Variants in FYCO1 observed in about 807,000 individuals in gnomAD.
FYCO1 encodes FYVE and coiled-coil domain autophagy adaptor 1.
Under a neutral mutation model 165.1 loss-of-function variants are expected in FYCO1, and 122 were observed. The observed-to-expected ratio is 0.74, with a 90% CI of 0.64 to 0.86. The LOEUF (loss-of-function observed/expected upper bound fraction) is 0.86, where lower values mean the gene tolerates loss of function less well. Ranked by LOEUF, FYCO1 falls within the 40% of genes least tolerant of loss-of-function variation. The probability of loss-of-function intolerance (pLI) is 0.00; values close to 1 mark genes in which losing one functional copy is unlikely to be tolerated. For synonymous variants in FYCO1, 648 were observed against 742.5 expected (o/e 0.87, Z 2.07); for missense variants, 1,702 against 1,810.3 (o/e 0.94, Z 1.09).
Position 45,967,513 on chromosome 3 carries a change from C to T in FYCO1, c.1821G>A (p.Glu607=), listed in dbSNP as rs776580761. 1.9e-6 allele frequency: 3 copies of T among 1,613,818 alleles called. No homozygotes were observed. The South Asian group carries it at 3.3e-5, about 18-fold the overall frequency. The change falls in exon 8 of 18, where the codon GAG becomes GAA. Residue 607 remains glutamate (E), a synonymous_variant. Transcript: ENST00000296137. ...GCCGGAGCTCTTCCTCCTGGCTGCC[C>T]TCTTGCACCTTGGTATCGTCTAACT... ...EAQLDDTKVQ[E]GSQEEELRQA...
rs778808505 is a variant in FYCO1 at position 45,966,302 on chromosome 3, A to C, written c.3032T>G (p.Ile1011Ser). The C allele has an allele frequency of 1.2e-6, 2 of 1,614,120 alleles. No homozygotes were observed. The highest frequency in any genetic ancestry group is 2.2e-5 in the South Asian group (2 of 91,086). The change falls in exon 8 of 18, where the codon ATC (isoleucine) becomes AGC (serine). Residue 1011 changes from isoleucine (I) to serine (S), a missense_variant. Physicochemically the swap from Ile to Ser is moderately radical, Grantham distance 142. Coordinates refer to ENST00000296137, the MANE Select transcript of FYCO1 (RefSeq NM_024513.4). ...NTLKFQLSAE[I>S]MDYQSRLKNA... is the part of the protein sequence containing the mutation. Reference sequence around the variant, plus strand: ...CTTAAGTCTGCTCTGGTAGTCCATGATTTCAGCACTCAGCTGGAACTTGAG... The same window carrying C: ...CTTAAGTCTGCTCTGGTAGTCCATGCTTTCAGCACTCAGCTGGAACTTGAG...
intron 1 of FYCO1, among the ~76,000 whole-genome samples, chr3:45,986,408 C>CA (rs1400681718): frequency 6.6e-6 from 1 of 152,182 alleles, no homozygotes; most frequent in Non-Finnish European, 1.5e-5. Flanking sequence ...CAGATCCTGG[C>CA]ATGGAAACCA....
rs35365813 is a variant in FYCO1, at chr3:45,978,858, GT to G, written c.288+846del. Among the ~76,000 whole-genome samples, 355 of 139,672 alleles carry G rather than the reference GT, an allele frequency of 2.5e-3. 2 individuals carry two copies. The highest frequency in any genetic ancestry group is 7.5e-3 in the African/African-American group (286 of 38,204). 91.6% of individuals were successfully genotyped at this position (139,672 alleles called of 152,430 possible). A position where few individuals can be genotyped will look rare whatever the true frequency, so the allele number is the denominator to read the frequency against. On this transcript the variant is annotated intron_variant, in intron 4 of 17. Transcript: ENST00000296137. ...ATGTGTGTGTGTTTGTTGTTCTGGA[GT>G]TTTTTTTTTTTTTTTGAGACGGAGT...
chr3:45,936,382 C>T, intron 15 of FYCO1, 66 bp downstream of exon 15: 2 of 1,089,658 alleles, frequency 1.8e-6, no homozygotes, highest in Non-Finnish European at 2.8e-6. Flanking sequence ...AGCGCCGGCA[C>T]TGGAGAGGCC....
At chr3:45,951,824 C>CCTGGCAGG (rs763905548) in intron 14 of FYCO1, among the ~76,000 whole-genome samples, 7 of 152,308 alleles carry the variant, frequency 4.6e-5, no homozygotes, top group Non-Finnish European at 8.8e-5. Flanking sequence ...GCCACATCTC[C>CCTGGCAGG]CTGGCAGGCT....
In FYCO1 at chr3:45,955,329, C is replaced by A; in HGVS notation, c.3864G>T (p.Leu1288Phe). The change falls in exon 14 of 18, where the codon TTG becomes TTT. Residue 1288 changes from leucine (L) to phenylalanine (F), a missense_variant. Transcript: ENST00000296137. The part of the protein sequence containing the change: ...AVFDIITDEE[L>F]CQIQESGSSL... ...AGGAGCCGGACTCCTGTATCTGGCA[C>A]AATTCCTCATCTGTGATGATATCAA... 4 of 1,614,182 alleles carry A rather than the reference C, an allele frequency of 2.5e-6. No homozygotes were observed. Among genetic ancestry groups the A allele is most frequent in the Non-Finnish European group, 3.4e-6 (4 of 1,180,026 alleles).
intron 5 of FYCO1, among the ~76,000 whole-genome samples, chr3:45,973,773 T>G (rs1706576579): frequency 6.6e-6 from 1 of 152,180 alleles, no homozygotes; most frequent in African/African-American, 2.4e-5. Context: ...TTTAAAAAGA[T>G]GCATCAGAAC....
chr3:45,926,982 C>T (rs533966238), intron 16 of FYCO1, among the ~76,000 whole-genome samples: 106 of 148,864 alleles, frequency 7.1e-4, no homozygotes, highest in Middle Eastern at 6.9e-3. Context: ...AAAAAAAGAA[C>T]GCTCCACCCA....
intron 15 of FYCO1, among the ~76,000 whole-genome samples, chr3:45,932,004 G>A (rs931066349): frequency 6.6e-6 from 1 of 152,220 alleles, no homozygotes; most frequent in Non-Finnish European, 1.5e-5. Context: ...GACCCAGAGT[G>A]TGACGTGAAG....
chr3:45,929,619 G>C (rs141119584), intron 16 of FYCO1, among the ~76,000 whole-genome samples: 63 of 152,290 alleles, frequency 4.1e-4, no homozygotes, highest in African/African-American at 1.5e-3. Context: ...AGGACCTCCT[G>C]GGTGGGGGCT....
intron 16 of FYCO1, among the ~76,000 whole-genome samples, chr3:45,928,500 G>A (rs12638598): frequency 0.11 from 16,745 of 152,106 alleles, 1,534 homozygotes; most frequent in East Asian, 0.49. Flanking sequence ...TCTCAGTGTC[G>A]AGTCTATGAC....
chr3:45,957,259 A>T (rs917915573), intron 13 of FYCO1, among the ~76,000 whole-genome samples: 2 of 152,258 alleles, frequency 1.3e-5, no homozygotes, highest in Non-Finnish European at 2.9e-5. Context: ...CTGAAAATGC[A>T]TCATAGGCCT....
chr3:45,938,063 A>G (rs1214759941), intron 14 of FYCO1: 1 of 421,226 alleles, frequency 2.4e-6, no homozygotes, highest in African/African-American at 2.1e-5. Context: ...AGAATGAGAG[A>G]GACACTGAAA....
At chr3:45,938,245 C>T (rs1327690190) in intron 14 of FYCO1, 15 of 1,288,956 alleles carry the variant, frequency 1.2e-5, no homozygotes, top group African/African-American at 3.0e-5. Flanking sequence ...TTGCTGGCCC[C>T]GACAGACGCC....
rs1706235943 is a variant in FYCO1, at chr3:45,968,491, C to A, written c.843G>T (p.Gly281=). The change falls in exon 8 of 18, where the codon GGG becomes GGT. Residue 281 remains glycine, a synonymous_variant. Transcript: ENST00000296137. ...GEQLQTERER[G]RTAAEDNVRL... ...GAACGTTGTCCTCCGCTGCAGTGCG[C>A]CCCCTCTCCCTCTCTGTCTGCAGTT... 1 of 1,613,912 alleles carries A rather than the reference C, an allele frequency of 6.2e-7. No homozygotes were observed. Among genetic ancestry groups the A allele is most frequent in the Admixed American group, 1.7e-5 (1 of 60,010 alleles).
chr3:45,960,474 T>C (rs1705636209), intron 11 of FYCO1, among the ~76,000 whole-genome samples: 1 of 152,192 alleles, frequency 6.6e-6, no homozygotes, highest in Non-Finnish European at 1.5e-5. Context: ...GGAAGACTCA[T>C]TCTCTGAAGC....
chr3:45,964,288 T>A lies in FYCO1; in HGVS notation c.3269+48A>T, dbSNP rs1705865380. On this transcript the variant is annotated intron_variant, in intron 10 of 17. Coordinates refer to ENST00000296137, the MANE Select transcript of FYCO1 (RefSeq NM_024513.4). This position sits in a 1 kb window ranked among gnomAD's most constrained non-coding sequence, Gnocchi z 4.1. ...CTTTCTAAATGACGAGACCAAACAC[T>A]CCTTCCCTGAAGACTACCGACAGCT... 2 of 1,390,568 alleles carry A rather than the reference T, an allele frequency of 1.4e-6. No homozygotes were observed. Among genetic ancestry groups the A allele is most frequent in the Non-Finnish European group, 2.0e-6 (2 of 976,238 alleles). 86.1% of individuals were successfully genotyped at this position (1,390,568 alleles called of 1,614,324 possible). A position where few individuals can be genotyped will look rare whatever the true frequency, so the allele number is the denominator to read the frequency against.
In FYCO1 at chr3:45,984,890, C is replaced by G. The variant is rs939897845; in HGVS notation, c.21G>C (p.Glu7Asp). The part of the protein sequence containing the change: MASTNA[E>D]SQLQRIIRDL... ...CTCGGATGATTCTCTGGAGCTGGCT[C>G]TCTGCATTGGTGGAGGCCATGGTGA... Residue 7 changes from glutamate to aspartate, a missense_variant, in exon 2 of 18, where the codon GAG (glutamate) becomes GAC (aspartate). By Grantham distance (45) the Glu-to-Asp change is conservative. Transcript: ENST00000296137. 2 of 1,614,102 alleles carry G rather than the reference C, an allele frequency of 1.2e-6. No homozygotes were observed. The highest frequency in any genetic ancestry group is 1.7e-5 in the Admixed American group (1 of 59,998).
intron 1 of FYCO1, among the ~76,000 whole-genome samples, chr3:45,987,913 G>A (rs914870956): frequency 1.3e-5 from 2 of 152,226 alleles, no homozygotes; most frequent in African/African-American, 4.8e-5. Flanking sequence ...GAACACAGAT[G>A]GCAACACACT....
Sources: gnomAD v4.1 joint callset for allele counts (sites outside exome capture counted in the v4.1 genomes callset) on GRCh38, gnomAD v4.1.1 for gene constraint, Gnocchi (gnomAD v3.1) non-coding constraint, MANE v1.5 for transcripts, NCBI Gene and HGNC (gene_info 2026-07-23, HGNC 2026-07-21) for gene names.